The following RBM19 variants were observed in gnomAD, a reference collection of about 807,000 sequenced individuals.
RBM19 encodes the protein probable RNA-binding protein 19.
RBM19 carries 94 observed loss-of-function variants against 116.8 expected under a neutral mutation model. The ratio of observed to expected loss-of-function variants is 0.80; its 90% CI spans 0.68 to 0.95. The LOEUF (loss-of-function observed/expected upper bound fraction) is 0.95. Ranked by LOEUF, RBM19 falls within the 40% of genes least tolerant of loss-of-function variation. RBM19 has a pLI of 0.00. For missense variants in RBM19, 1,161 were observed against 1,220.7 expected, an observed-to-expected ratio of 0.95 and a Z score of 0.73; for synonymous variants, 475 against 494.1, an observed-to-expected ratio of 0.96 and a Z score of 0.51.
intron 21 of RBM19, among the ~76,000 whole-genome samples, chr12:113,912,579 G>A (rs933572515): frequency 6.6e-6 from 1 of 152,232 alleles, no homozygotes; most frequent in Non-Finnish European, 1.5e-5. Flanking sequence ...CTGTCTGGGT[G>A]CAAAAGGAAT....
chr12:113,823,059 G>A lies in RBM19; in HGVS notation c.*165C>T. ...TGCCTGGGCCGCTGGGCAGTGGCCT[G>A]AGGCCTTCCTCATCCCCTGTCTCCT... On this transcript the variant is annotated 3_prime_UTR_variant, in exon 24 of 24. Coordinates refer to ENST00000261741, the MANE Select transcript of RBM19 (RefSeq NM_016196.4). 1 of 639,018 alleles carries A rather than the reference G, an allele frequency of 1.6e-6. No homozygotes were observed. The highest frequency in any genetic ancestry group is 2.7e-6 in the Non-Finnish European group (1 of 373,698). The allele number at this position is 639,018 out of a possible 1,614,324, so 39.6% of individuals were successfully genotyped here.
At chr12:113,912,523 G>A (rs981537717) in intron 21 of RBM19, among the ~76,000 whole-genome samples, 1 of 152,194 alleles carries the variant, frequency 6.6e-6, no homozygotes, top group Admixed American at 6.5e-5. Flanking sequence ...TCAGCGGCAT[G>A]GTCCCAGGCA....
In RBM19 at chr12:113,966,297, G is replaced by A. The variant is rs1456833639; in HGVS notation, c.-70C>T. Reference sequence around the variant, plus strand: ...GTCTTCCACCAAGTTTCACGCTACCGCCCTGGGCGCCGCCATCTTTACCGA... The same window carrying A: ...GTCTTCCACCAAGTTTCACGCTACCACCCTGGGCGCCGCCATCTTTACCGA... On this transcript the variant is annotated 5_prime_UTR_variant, in exon 1 of 24. Coordinates refer to ENST00000261741, the MANE Select transcript of RBM19 (RefSeq NM_016196.4). 3.1e-6 allele frequency: 5 copies of A among 1,591,724 alleles called. No homozygotes were observed. Among genetic ancestry groups the A allele is most frequent in the Middle Eastern group, 1.7e-4 (1 of 6,044 alleles).
intron 22 of RBM19, among the ~76,000 whole-genome samples, chr12:113,845,454 A>C (rs1421282172): frequency 6.6e-6 from 1 of 152,186 alleles, no homozygotes; most frequent in East Asian, 1.9e-4. Context: ...TTTAACAGCT[A>C]TACTGAGACA....
downstream of RBM19, among the ~76,000 whole-genome samples, chr12:113,821,010 T>C (rs1266800317): frequency 6.6e-6 from 1 of 152,210 alleles, no homozygotes; most frequent in African/African-American, 2.4e-5. Context: ...GGCCTGCAGC[T>C]GCCTGGGCCT....
At chr12:113,937,217 A>G in intron 15 of RBM19, 81 bp from the exon 16 acceptor site, 1 of 1,529,968 alleles carries the variant, frequency 6.5e-7, no homozygotes, top group South Asian at 1.2e-5. Context: ...TGCAGATCAC[A>G]GCCCAAGGGT....
chr12:113,909,648 C>G (rs192455234), intron 21 of RBM19, among the ~76,000 whole-genome samples: 8 of 152,270 alleles, frequency 5.3e-5, no homozygotes, highest in Non-Finnish European at 1.2e-4. Flanking sequence ...ACAGAGAAGA[C>G]AGCGGAAGCT....
chr12:113,824,778 A>G (rs1173152421), intron 23 of RBM19, among the ~76,000 whole-genome samples: 4 of 151,954 alleles, frequency 2.6e-5, no homozygotes, highest in African/African-American at 7.3e-5. Flanking sequence ...TCCCAAATCA[A>G]TTCAAACATT....
intron 16 of RBM19, 99 bp from the exon 17 acceptor site, chr12:113,927,328 T>C: frequency 1.4e-6 from 2 of 1,408,840 alleles, no homozygotes; most frequent in South Asian, 1.5e-5. Context: ...AAAAGCCCAC[T>C]AGGTAAAGGG....
intron 6 of RBM19, among the ~76,000 whole-genome samples, chr12:113,956,169 G>T (rs1029513422): frequency 2.6e-5 from 4 of 152,090 alleles, no homozygotes; most frequent in African/African-American, 7.2e-5. Flanking sequence ...ACAATTTTGG[G>T]GGGGAAGAAA....
At chr12:113,962,808 G>GC (rs886077465) in intron 1 of RBM19, among the ~76,000 whole-genome samples, 19 of 152,104 alleles carry the variant, frequency 1.2e-4, no homozygotes, top group Non-Finnish European at 2.4e-4. Flanking sequence ...TGTTAATAAA[G>GC]CCCCCCCAAA....
intron 21 of RBM19, among the ~76,000 whole-genome samples, chr12:113,868,319 A>G (rs944256411): frequency 6.6e-6 from 1 of 152,060 alleles, no homozygotes; most frequent in African/African-American, 2.4e-5. Flanking sequence ...TACAGTTTAG[A>G]AGCAACTGAA....
intron 7 of RBM19, among the ~76,000 whole-genome samples, chr12:113,954,762 C>T: frequency 6.6e-6 from 1 of 152,178 alleles, no homozygotes; most frequent in East Asian, 1.9e-4. Flanking sequence ...TTTTTACCTA[C>T]TTTCTGAGAC....
intron 15 of RBM19, among the ~76,000 whole-genome samples, chr12:113,938,350 G>A (rs1006439703): frequency 1.3e-5 from 2 of 152,114 alleles, no homozygotes; most frequent in Non-Finnish European, 2.9e-5. Context: ...CTATTACGGG[G>A]TTAAAGTGGC....
In RBM19 at chr12:113,899,987, C is replaced by A. The variant is rs897164633; in HGVS notation, c.2558+14982G>T. On this transcript the variant is annotated intron_variant, in intron 21 of 23. Coordinates refer to ENST00000261741, the MANE Select transcript of RBM19 (RefSeq NM_016196.4). ...AGTGAGCTGCCGCGGCTGCTTGGGG[C>A]AGGAGGGGAGGAATGAGGGCGCACA... is the stretch of plus-strand genomic sequence containing the variant. Among the ~76,000 whole-genome samples the A allele has an allele frequency of 3.3e-5, 5 of 152,124 alleles. No homozygotes were observed. In the South Asian group the frequency reaches 1.0e-3, roughly 31 times the overall value.
At chr12:113,823,688 T>C (rs1245368334) in intron 23 of RBM19, among the ~76,000 whole-genome samples, 1 of 152,068 alleles carries the variant, frequency 6.6e-6, no homozygotes, top group African/African-American at 2.4e-5. Flanking sequence ...CCCCATCTTC[T>C]ACCCGCAGGG....
rs1280119451 is a variant in RBM19 at position 113,962,146 on chromosome 12, A to G, written c.219+86T>C. On this transcript the variant is annotated intron_variant, in intron 2 of 23. Transcript: ENST00000261741. ...CAAAGACATCACAAAGTGAAGAGGG[A>G]CGGTCTTTGAACTCAAGTGCTGAGT... The G allele has an allele frequency of 2.7e-6, 4 of 1,469,470 alleles. No homozygotes were observed. In the South Asian group the frequency reaches 4.9e-5, roughly 18 times the overall value. The allele number at this position is 1,469,470 out of a possible 1,614,324, so 91.0% of individuals were successfully genotyped here.
intron 23 of RBM19, among the ~76,000 whole-genome samples, chr12:113,829,058 A>G (rs905536486): frequency 4.0e-5 from 6 of 151,318 alleles, no homozygotes; most frequent in Admixed American, 3.3e-4. Flanking sequence ...AGTGCAGTGG[A>G]GCGATCTCGG....
At chr12:113,952,089 CTGGT>C (rs58603892) in intron 8 of RBM19, among the ~76,000 whole-genome samples, 13,334 of 152,264 alleles carry the variant, frequency 0.088, 674 homozygotes, top group East Asian at 0.17. Context: ...AGGGAGGTGC[CTGGT>C]TGGTTGCCCA....
Sources: gnomAD v4.1 joint callset for allele counts (sites outside exome capture counted in the v4.1 genomes callset) on GRCh38, gnomAD v4.1.1 for gene constraint, MANE v1.5 for transcripts, NCBI Gene and HGNC (gene_info 2026-07-23, HGNC 2026-07-21) for gene names.